SECISBP2: variants seen among roughly 807,000 people sequenced by gnomAD.
SECISBP2 encodes the protein selenocysteine insertion sequence-binding protein 2.
SECISBP2 carries 96 observed loss-of-function variants against 98.2 expected under a neutral mutation model. The observed-to-expected ratio is 0.98, with a 90% confidence interval of 0.83 to 1.16. The LOEUF is 1.16. Ranked by LOEUF, SECISBP2 falls within the 50% of genes most tolerant of loss-of-function variation. The probability of loss-of-function intolerance (pLI) is 0.00; values close to 1 mark genes in which losing one functional copy is unlikely to be tolerated. For missense variants in SECISBP2, 1,046 were observed against 1,022.9 expected (o/e 1.02, Z -0.31); for synonymous variants, 407 against 370.2 (o/e 1.10, Z -1.14).
chr9:89,351,720 C>G (rs1361829921), intron 14 of SECISBP2, among the ~76,000 whole-genome samples: 1 of 152,210 alleles, frequency 6.6e-6, no homozygotes, highest in Non-Finnish European at 1.5e-5. Context: ...GGCCCCCAGC[C>G]AGCAGCTCGT....
chr9:89,334,867 T>G, intron 7 of SECISBP2, 137 bp downstream of exon 7: 1 of 715,610 alleles, frequency 1.4e-6, no homozygotes, highest in Non-Finnish European at 2.5e-6. Flanking sequence ...TGGATGGTGA[T>G]GATGGTTGCA....
At chr9:89,365,850 T>G in the SECISBP2 span, among the ~76,000 whole-genome samples, 79 of 152,172 alleles carry the variant, frequency 5.2e-4, no homozygotes, top group Non-Finnish European at 1.0e-3. Flanking sequence ...AAAGAAGAGA[T>G]CGCCAGTTTA....
chr9:89,345,949 T>C (rs1011728438), intron 10 of SECISBP2, among the ~76,000 whole-genome samples: 1 of 152,234 alleles, frequency 6.6e-6, no homozygotes, highest in African/African-American at 2.4e-5. Flanking sequence ...GGTTGACCTG[T>C]GCAGGTTACG....
At chr9:89,356,641 T>G (rs1053982182) in intron 14 of SECISBP2, 1 of 152,028 alleles carries the variant, frequency 6.6e-6, no homozygotes, top group Non-Finnish European at 1.5e-5. Flanking sequence ...TTTCTTCTTT[T>G]TTTTTTTTGT....
chr9:89,346,177 C>G (rs1327141969), intron 10 of SECISBP2, among the ~76,000 whole-genome samples: 1 of 152,020 alleles, frequency 6.6e-6, no homozygotes, highest in Non-Finnish European at 1.5e-5. Flanking sequence ...GGAAATTTTC[C>G]AGATCAAAAA....
intron 10 of SECISBP2, among the ~76,000 whole-genome samples, chr9:89,345,313 C>T (rs1318001466): frequency 6.6e-6 from 1 of 152,164 alleles, no homozygotes; most frequent in Non-Finnish European, 1.5e-5. Flanking sequence ...TTTGAATGAC[C>T]ACGCTTTGAA....
chr9:89,318,649 C>T, intron 1 of SECISBP2, 37 bp downstream of exon 1: 1 of 1,390,458 alleles, frequency 7.2e-7, no homozygotes, highest in South Asian at 1.6e-5. Flanking sequence ...CAGCCTCAGT[C>T]CGTCCGCCTG....
chr9:89,354,806 G>C, intron 14 of SECISBP2: 4 of 985,422 alleles, frequency 4.1e-6, no homozygotes, highest in Non-Finnish European at 4.8e-6. Context: ...GGGAGCTGGG[G>C]TGGACACCAG....
intron 5 of SECISBP2, among the ~76,000 whole-genome samples, chr9:89,332,224 G>C (rs571806340): frequency 2.0e-5 from 3 of 151,746 alleles, no homozygotes; most frequent in South Asian, 4.2e-4. Context: ...TATGCCCCTT[G>C]CCTGCACACA....
At position 89,346,918 on chromosome 9, in the gene SECISBP2, C is replaced by G; in HGVS notation, c.1472C>G (p.Ser491Ter). ...AVPVLSKECASGERGRRMSQM... is the reference protein window; with the variant it reads ...AVPVLSKECA ...CCAGTCCTTTCCAAAGAATGTGCAT[C>G]AGGGGAGAGAGGCCGCCGCATGAGT... The change falls in exon 11 of 17, where the codon TCA (serine) becomes TGA (stop). Residue 491 changes from serine (S) to a stop codon, truncating the protein, a stop_gained. Coordinates refer to ENST00000375807, the MANE Select transcript of SECISBP2 (RefSeq NM_024077.5). LOFTEE classifies it high-confidence loss of function. 1 of 1,614,130 alleles carries G rather than the reference C, an allele frequency of 6.2e-7. No individual in the cohort carries two copies. The highest frequency in any genetic ancestry group is 8.5e-7 in the Non-Finnish European group (1 of 1,180,020).
At chr9:89,334,295 C>T (rs1828260309) in intron 6 of SECISBP2, 1 of 1,005,924 alleles carries the variant, frequency 9.9e-7, no homozygotes. Context: ...AAACCAGTTT[C>T]CAGGAAAATT....
chr9:89,366,450 C>T, the SECISBP2 span, among the ~76,000 whole-genome samples: 2 of 152,192 alleles, frequency 1.3e-5, no homozygotes, highest in African/African-American at 2.4e-5. Flanking sequence ...TTTTGCCTGG[C>T]GGCCCATCTG....
intron 1 of SECISBP2, 103 bp from the exon 2 acceptor site, chr9:89,319,549 G>A: frequency 7.6e-7 from 1 of 1,314,340 alleles, no homozygotes; most frequent in Non-Finnish European, 1.1e-6. Context: ...ACAACATCGG[G>A]AACATTTCTG....
chr9:89,346,266 TA>T (rs1564410706), intron 10 of SECISBP2, among the ~76,000 whole-genome samples: 1 of 152,192 alleles, frequency 6.6e-6, no homozygotes, highest in African/African-American at 2.4e-5. Flanking sequence ...AAAAGGAGAA[TA>T]AAATTGAAAT....
At chr9:89,366,754 G>GTTA in the SECISBP2 span, among the ~76,000 whole-genome samples, 12 of 152,254 alleles carry the variant, frequency 7.9e-5, no homozygotes, top group South Asian at 2.5e-3. Context: ...TTTTTGAGCT[G>GTTA]TTATGATCAA....
At chr9:89,319,586 T>A in intron 1 of SECISBP2, 66 bp from the exon 2 acceptor site, 1 of 1,584,176 alleles carries the variant, frequency 6.3e-7, no homozygotes, top group Non-Finnish European at 8.7e-7. Flanking sequence ...CTCTTGGGTC[T>A]TTTTGTTTGT....
chr9:89,350,125 A>C (rs1458854839), intron 13 of SECISBP2, among the ~76,000 whole-genome samples, 196 bp downstream of exon 13: 1 of 152,018 alleles, frequency 6.6e-6, no homozygotes, highest in East Asian at 1.9e-4. Flanking sequence ...GCTTCTACTG[A>C]GGTTCTTGTA....
Position 89,319,675 on chromosome 9 carries a change from C to CA in SECISBP2, c.63dup (p.Pro22ThrfsTer46), listed in dbSNP as rs1825356809. 7 of 1,614,174 alleles carry CA rather than the reference C, an allele frequency of 4.3e-6. No homozygotes were observed. In the East Asian group the frequency reaches 1.6e-4, roughly 36 times the overall value. On this transcript the variant is annotated frameshift_variant, in exon 2 of 17. Coordinates refer to ENST00000375807, the MANE Select transcript of SECISBP2 (RefSeq NM_024077.5). LOFTEE classifies it high-confidence loss of function. ...AGGGCATCAAGTTATCAGCAGATGT[C>CA]AAACCATTTGTCCCCAGATTTGCCG...
Position 89,339,873 on chromosome 9 carries a change from G to T in SECISBP2, c.1222G>T (p.Glu408Ter), listed in dbSNP as rs1829393042. The change falls in exon 9 of 17, where the codon GAA becomes TAA. Residue 408 changes from glutamate (E) to a stop codon, truncating the protein, a stop_gained. Transcript: ENST00000375807. LOFTEE classifies it high-confidence loss of function. ...QEPPRIEDAE[E>*]FPNLAVASER... Reference sequence around the variant, plus strand: ...TGTGTGGTTTACTTAGGATGCCGAGGAATTTCCCAACCTGGCAGTTGCATC... The same window carrying T: ...TGTGTGGTTTACTTAGGATGCCGAGTAATTTCCCAACCTGGCAGTTGCATC... The T allele has an allele frequency of 6.2e-7, 1 of 1,613,420 alleles. No individual in the cohort carries two copies.
Sources: allele counts gnomAD v4.1 joint callset (sites outside exome capture counted in the v4.1 genomes callset), GRCh38; gene constraint gnomAD v4.1.1; transcripts MANE v1.5; gene names NCBI Gene and HGNC (gene_info 2026-07-23, HGNC 2026-07-21).